The following SUSD4 variants were observed in gnomAD, a reference collection of about 807,000 sequenced individuals.
The protein encoded by SUSD4 is sushi domain-containing protein 4.
Under a neutral mutation model 50.5 loss-of-function variants are expected in SUSD4, and 41 were observed. That is an observed-to-expected ratio of 0.81 (90% CI 0.63 to 1.05). The LOEUF is 1.05. Ranked by LOEUF, SUSD4 falls within the 50% of genes least tolerant of loss-of-function variation. The pLI, the probability that SUSD4 is intolerant of heterozygous loss-of-function variation, is 0.00. For missense variants in SUSD4, 580 were observed against 634.7 expected, an observed-to-expected ratio of 0.91 and a Z score of 0.93; for synonymous variants, 257 against 257.3, an observed-to-expected ratio of 1.00 and a Z score of 0.01.
intron 7 of SUSD4, among the ~76,000 whole-genome samples, chr1:223,223,972 A>G (rs887197012): frequency 2.2e-4 from 33 of 152,358 alleles, no homozygotes; most frequent in African/African-American, 7.9e-4. Context: ...AAGGGACAAC[A>G]TAACCCTTTC....
intron 2 of SUSD4, among the ~76,000 whole-genome samples, chr1:223,329,820 G>A (rs1465874699): frequency 6.6e-6 from 1 of 152,110 alleles, no homozygotes; most frequent in Non-Finnish European, 1.5e-5. Context: ...ATGAATGGAT[G>A]GATGGATGGA....
At chr1:223,226,290 G>A (rs1659509808) in intron 7 of SUSD4, among the ~76,000 whole-genome samples, 1 of 152,232 alleles carries the variant, frequency 6.6e-6, no homozygotes, top group Admixed American at 6.5e-5. Context: ...AGGAAGGAAG[G>A]TTTCAGCATC....
At chr1:223,351,013 C>A (rs928417973) in intron 2 of SUSD4, among the ~76,000 whole-genome samples, 1 of 152,114 alleles carries the variant, frequency 6.6e-6, no homozygotes, top group African/African-American at 2.4e-5. Flanking sequence ...TGAAATCTTA[C>A]TACATAATAG....
At position 223,332,997 on chromosome 1, in the gene SUSD4, G is replaced by A. The variant is rs955795140; in HGVS notation, c.148+30281C>T. On this transcript the variant is annotated intron_variant, in intron 2 of 8. Coordinates refer to ENST00000366878, the MANE Select transcript of SUSD4 (RefSeq NM_017982.4). The surrounding 1 kb of genome is among the most constrained non-coding windows in gnomAD (Gnocchi z 4.0). ...CCCTCCTCTCCCACACAGTTGTCCT[G>A]GGGAAATCATGTCAGCACCAGGTGC... Among the ~76,000 whole-genome samples, 4 of 152,098 alleles carry A rather than the reference G, an allele frequency of 2.6e-5. No homozygotes were observed. Among genetic ancestry groups the A allele is most frequent in the Admixed American group, 6.5e-5 (1 of 15,272 alleles).
At chr1:223,278,335 T>C (rs1048239218) in intron 3 of SUSD4, among the ~76,000 whole-genome samples, 2 of 152,084 alleles carry the variant, frequency 1.3e-5, no homozygotes, top group African/African-American at 4.8e-5. Context: ...GGGTGACAGA[T>C]GGCACCTGGA....
chr1:223,337,119 C>G (rs548207846), intron 2 of SUSD4, among the ~76,000 whole-genome samples: 1 of 152,324 alleles, frequency 6.6e-6, no homozygotes, highest in Non-Finnish European at 1.5e-5. Flanking sequence ...TCAAAATCAG[C>G]AGAATGCATA....
chr1:223,264,610 G>A lies in SUSD4; in HGVS notation c.724+20C>T, dbSNP rs201951671. On this transcript the variant is annotated intron_variant, in intron 5 of 8. Coordinates refer to ENST00000366878, the MANE Select transcript of SUSD4 (RefSeq NM_017982.4). Reference sequence around the variant, plus strand: ...TTTAATAATACAAAATACAACTTCCGAAAGAATGAGATGTGTTACCTTCCA... The same window carrying A: ...TTTAATAATACAAAATACAACTTCCAAAAGAATGAGATGTGTTACCTTCCA... The A allele has an allele frequency of 4.3e-5, 69 of 1,611,168 alleles. No homozygotes were observed. In the African/African-American group the frequency reaches 5.2e-4, roughly 12 times the overall value.
At chr1:223,357,553 A>G (rs1668732800) in intron 2 of SUSD4, among the ~76,000 whole-genome samples, 1 of 152,202 alleles carries the variant, frequency 6.6e-6, no homozygotes, top group Non-Finnish European at 1.5e-5. Context: ...ATAAGGATAA[A>G]TAATAAAATC....
chr1:223,300,495 A>C (rs927716619), intron 2 of SUSD4, among the ~76,000 whole-genome samples: 2 of 152,206 alleles, frequency 1.3e-5, no homozygotes, highest in Non-Finnish European at 2.9e-5. Flanking sequence ...GAATCATAAA[A>C]ATGAAAGAGG....
At chr1:223,303,415 A>C (rs1004240435) in intron 2 of SUSD4, among the ~76,000 whole-genome samples, 2 of 152,258 alleles carry the variant, frequency 1.3e-5, no homozygotes, top group African/African-American at 2.4e-5. Flanking sequence ...CATTCAACCA[A>C]CAATGGGAAC....
chr1:223,290,334 T>C (rs185139450), intron 3 of SUSD4, among the ~76,000 whole-genome samples: 76 of 152,302 alleles, frequency 5.0e-4, no homozygotes, highest in Non-Finnish European at 1.5e-4. Flanking sequence ...ATAAACCACA[T>C]AGAATAAAGA....
upstream of SUSD4, among the ~76,000 whole-genome samples, chr1:223,364,436 C>T (rs1361972302): frequency 5.4e-5 from 8 of 147,878 alleles, no homozygotes; most frequent in Non-Finnish European, 9.1e-5. The surrounding 1 kb of genome is among the most constrained non-coding windows in gnomAD (Gnocchi z 4.5). Context: ...ACCCAGCCGG[C>T]GCCGCGGCGT....
chr1:223,246,431 A>G (rs962744995), intron 5 of SUSD4, among the ~76,000 whole-genome samples: 1 of 152,160 alleles, frequency 6.6e-6, no homozygotes, highest in Non-Finnish European at 1.5e-5. Context: ...GCTGCAGGGA[A>G]GCAGTAAAGC....
At chr1:223,304,700 A>G (rs1665408551) in intron 2 of SUSD4, among the ~76,000 whole-genome samples, 1 of 149,290 alleles carries the variant, frequency 6.7e-6, no homozygotes, top group South Asian at 2.1e-4. Context: ...CACAGGTTGT[A>G]GAGTGAGAAT....
At chr1:223,247,873 G>A (rs955954870) in intron 5 of SUSD4, among the ~76,000 whole-genome samples, 4 of 152,090 alleles carry the variant, frequency 2.6e-5, no homozygotes, top group South Asian at 4.1e-4. Context: ...CATCCCCTAC[G>A]TGCTAAGGAT....
At chr1:223,295,498 T>C (rs1664760885) in intron 2 of SUSD4, among the ~76,000 whole-genome samples, 1 of 152,140 alleles carries the variant, frequency 6.6e-6, no homozygotes, top group Non-Finnish European at 1.5e-5. Flanking sequence ...TGTGCCATAA[T>C]AGAGGATGGG....
At chr1:223,341,823 G>A (rs1032136558) in intron 2 of SUSD4, among the ~76,000 whole-genome samples, 10 of 152,042 alleles carry the variant, frequency 6.6e-5, no homozygotes, top group Non-Finnish European at 1.2e-4. Context: ...GGAGAGGCCT[G>A]GGTACAAACC....
intron 4 of SUSD4, among the ~76,000 whole-genome samples, chr1:223,268,275 A>C (rs1339726972): frequency 1.3e-5 from 2 of 152,084 alleles, no homozygotes; most frequent in Non-Finnish European, 2.9e-5. Flanking sequence ...TTTATCCTTT[A>C]AAACTGGGTG....
intron 3 of SUSD4, among the ~76,000 whole-genome samples, chr1:223,291,088 T>G (rs1405394210): frequency 2.0e-5 from 3 of 152,178 alleles, no homozygotes; most frequent in Admixed American, 2.0e-4. Context: ...ATTATGGCTT[T>G]TTCTTATACC....
Sources: gnomAD v4.1 joint callset for allele counts (sites outside exome capture counted in the v4.1 genomes callset) on GRCh38, gnomAD v4.1.1 for gene constraint, Gnocchi (gnomAD v3.1) non-coding constraint, MANE v1.5 for transcripts, NCBI Gene and HGNC (gene_info 2026-07-23, HGNC 2026-07-21) for gene names.